Variants in SERINC5 observed in about 807,000 individuals in gnomAD.
SERINC5 encodes serine incorporator 5, also known as chromosome 5 open reading frame 12.
In SERINC5, 41 loss-of-function variants were observed where a neutral mutation model predicts 63.1. The ratio of observed to expected loss-of-function variants is 0.65; its 90% CI spans 0.51 to 0.84. The LOEUF is 0.84. SERINC5 is among the 40% of genes least tolerant of loss of function. The pLI, the probability that SERINC5 is intolerant of heterozygous loss-of-function variation, is 0.00. For missense variants in SERINC5, 523 were observed against 573.0 expected (o/e 0.91, Z 0.89); for synonymous variants, 222 against 215.2 (o/e 1.03, Z -0.28).
chr5:80,120,227 A>G (rs1034013452), intron 11 of SERINC5, among the ~76,000 whole-genome samples: 3 of 152,222 alleles, frequency 2.0e-5, no homozygotes, highest in Admixed American at 2.0e-4. Flanking sequence ...CACCCTTTGC[A>G]GCCAGGCACG....
At chr5:80,176,729 G>A (rs1422646784) in intron 4 of SERINC5, among the ~76,000 whole-genome samples, 1 of 152,136 alleles carries the variant, frequency 6.6e-6, no homozygotes, top group Non-Finnish European at 1.5e-5. Context: ...GAGCTACCAC[G>A]CCTGGCCTAA....
At chr5:80,135,316 G>A (rs1427729732), downstream of SERINC5, among the ~76,000 whole-genome samples, 3 of 152,212 alleles carry the variant, frequency 2.0e-5, no homozygotes, top group Admixed American at 6.5e-5. Context: ...TTACAGGCAT[G>A]AGCCACCACG....
chr5:80,196,243 GC>G (rs1325060516), intron 2 of SERINC5, among the ~76,000 whole-genome samples: 1 of 152,122 alleles, frequency 6.6e-6, no homozygotes, highest in Non-Finnish European at 1.5e-5. Context: ...TGAACAAGCT[GC>G]CCCAGGGGAA....
intron 1 of SERINC5, among the ~76,000 whole-genome samples, chr5:80,232,788 A>G (rs185440566): frequency 2.3e-4 from 35 of 152,250 alleles, no homozygotes; most frequent in African/African-American, 7.9e-4. Context: ...ATCTCAAAAA[A>G]AAAAAATAAA....
chr5:80,134,693 A>G (rs1490994249), downstream of SERINC5, among the ~76,000 whole-genome samples: 4 of 152,206 alleles, frequency 2.6e-5, no homozygotes, highest in Non-Finnish European at 5.9e-5. Context: ...CGATGCCACA[A>G]GTAAAACGTG....
At position 80,177,887 on chromosome 5, in the gene SERINC5, C is replaced by G; in HGVS notation, c.373G>C (p.Gly125Arg). The G allele has an allele frequency of 6.2e-7, 1 of 1,604,652 alleles. No individual in the cohort carries two copies. The highest frequency in any genetic ancestry group is 1.1e-5 in the South Asian group (1 of 89,360). The change falls in exon 3 of 12, where the codon GGC becomes CGC. Residue 125 changes from glycine (G) to arginine (R), a missense_variant and splice_region_variant. Transcript: ENST00000507668. ...SKSCRAHIHN[G>R]FWFFKLLLLG... ...CCCCAAGAAGACTAAAATACTTACC[C>G]ATTGTGAATATGAGCTCTACAACTT...
chr5:80,235,273 CTTT>C (rs1360035995), intron 1 of SERINC5, among the ~76,000 whole-genome samples: 2 of 152,194 alleles, frequency 1.3e-5, no homozygotes, highest in Non-Finnish European at 2.9e-5. Flanking sequence ...AGTTTTCCTT[CTTT>C]ATTAAGGCTG....
rs967369395 is a variant in SERINC5 at position 80,141,641 on chromosome 5, C to T, written c.*2022G>A. The T allele has an allele frequency of 1.0e-6, 1 of 985,498 alleles. No individual in the cohort carries two copies. Among genetic ancestry groups the T allele is most frequent in the Admixed American group, 6.1e-5 (1 of 16,270 alleles). 61.0% of individuals were successfully genotyped at this position (985,498 alleles called of 1,614,324 possible). A position where few individuals can be genotyped will look rare whatever the true frequency, so the allele number is the denominator to read the frequency against. On this transcript the variant is annotated 3_prime_UTR_variant, in exon 12 of 12. Coordinates refer to ENST00000507668, the MANE Select transcript of SERINC5 (RefSeq NM_001174072.3). ...CCCCCAAGGCCCTAGGCCACTGCAACACAGCTACTGTGTGTGACACGCAGC... is the reference window on the plus strand; with the variant it reads ...CCCCCAAGGCCCTAGGCCACTGCAATACAGCTACTGTGTGTGACACGCAGC...
intron 8 of SERINC5, among the ~76,000 whole-genome samples, chr5:80,156,550 T>C (rs562769463): frequency 1.6e-4 from 25 of 152,246 alleles, no homozygotes; most frequent in Admixed American, 5.9e-4. Context: ...CAGAGCAGAG[T>C]GGTCATCCTC....
chr5:80,227,849 A>G (rs1346800790), intron 1 of SERINC5, among the ~76,000 whole-genome samples: 1 of 152,040 alleles, frequency 6.6e-6, no homozygotes, highest in Non-Finnish European at 1.5e-5. Context: ...ACCCTGACTT[A>G]CAAAAAAGAA....
intron 2 of SERINC5, among the ~76,000 whole-genome samples, chr5:80,196,421 C>G (rs80214070): frequency 9.1e-4 from 138 of 152,198 alleles, no homozygotes; most frequent in African/African-American, 3.0e-3. Flanking sequence ...TCCTGAATAT[C>G]CCACATTACT....
intron 11 of SERINC5, 64 bp from the exon 12 acceptor site, chr5:80,143,874 T>G: frequency 6.6e-7 from 1 of 1,507,844 alleles, no homozygotes; most frequent in Non-Finnish European, 8.9e-7. Flanking sequence ...ATTCACTAAT[T>G]CACATCCATT....
At chr5:80,241,587 G>A (rs567953097) in intron 1 of SERINC5, among the ~76,000 whole-genome samples, 2 of 152,292 alleles carry the variant, frequency 1.3e-5, no homozygotes, top group African/African-American at 4.8e-5. Flanking sequence ...CCAGGTTTCA[G>A]TTACTTGGTA....
Position 80,141,250 on chromosome 5 carries a change from G to A in SERINC5, c.*2413C>T, listed in dbSNP as rs951063704. On this transcript the variant is annotated 3_prime_UTR_variant, in exon 12 of 12. Transcript: ENST00000507668. ...TCTTCCTCTTGCATCAGACCAACCGGCAGAAGGGAACGGGATGTCACAAAC... is the reference window on the plus strand; with the variant it reads ...TCTTCCTCTTGCATCAGACCAACCGACAGAAGGGAACGGGATGTCACAAAC... The A allele has an allele frequency of 6.1e-6, 6 of 985,418 alleles. No individual in the cohort carries two copies. The highest frequency in any genetic ancestry group is 6.0e-6 in the Non-Finnish European group (5 of 829,944). The allele number at this position is 985,418 out of a possible 1,614,324, so 61.0% of individuals were successfully genotyped here.
chr5:80,214,810 T>C (rs1301354548), intron 1 of SERINC5, among the ~76,000 whole-genome samples: 2 of 152,124 alleles, frequency 1.3e-5, no homozygotes, highest in African/African-American at 2.4e-5. Flanking sequence ...GGCAGGAGAA[T>C]TGCTTAAACC....
chr5:80,197,263 G>A (rs889299592), intron 2 of SERINC5, among the ~76,000 whole-genome samples: 7 of 129,522 alleles, frequency 5.4e-5, no homozygotes, highest in Non-Finnish European at 1.0e-4. Flanking sequence ...GCAGAAGATC[G>A]TGCCACTGCG....
chr5:80,144,043 T>A (rs1745672642), intron 11 of SERINC5, among the ~76,000 whole-genome samples: 1 of 146,914 alleles, frequency 6.8e-6, no homozygotes, highest in African/African-American at 2.5e-5. Context: ...ACCCCCCGCA[T>A]TCACCAATCT....
At chr5:80,188,553 G>A (rs1748979993) in intron 2 of SERINC5, among the ~76,000 whole-genome samples, 1 of 151,982 alleles carries the variant, frequency 6.6e-6, no homozygotes, top group African/African-American at 2.4e-5. Context: ...GTTGCTGTAT[G>A]TTTAACAGAT....
At chr5:80,122,213 A>ATATATATATATATATAT (rs1554057292) in intron 11 of SERINC5, among the ~76,000 whole-genome samples, 11 of 107,344 alleles carry the variant, frequency 1.0e-4, no homozygotes, top group African/African-American at 3.7e-4. Context: ...ATATATATAT[A>ATATATATATATATATAT]ATATGAGTTT....
Sources: gnomAD v4.1 joint callset for allele counts (sites outside exome capture counted in the v4.1 genomes callset) on GRCh38, gnomAD v4.1.1 for gene constraint, MANE v1.5 for transcripts, NCBI Gene and HGNC (gene_info 2026-07-23, HGNC 2026-07-21) for gene names.